Variants in GRID1 observed in about 807,000 individuals in gnomAD.
The protein encoded by GRID1 is glutamate receptor ionotropic, delta-1.
A neutral mutation model predicts 98.0 loss-of-function variants in GRID1; 28 were observed. The ratio of observed to expected loss-of-function variants is 0.29; its 90% CI spans 0.21 to 0.39. The LOEUF (loss-of-function observed/expected upper bound fraction) is 0.39. GRID1 is among the 10% of genes least tolerant of loss of function. The probability of loss-of-function intolerance (pLI) is 1.00; values close to 1 mark genes in which losing one functional copy is unlikely to be tolerated. For missense variants in GRID1, 1,111 were observed against 1,340.5 expected, an observed-to-expected ratio of 0.83 and a Z score of 2.67; for synonymous variants, 553 against 538.5, an observed-to-expected ratio of 1.03 and a Z score of -0.37.
At chr10:86,005,706 G>A (rs1472317301) in intron 4 of GRID1, among the ~76,000 whole-genome samples, 1 of 152,162 alleles carries the variant, frequency 6.6e-6, no homozygotes, top group Non-Finnish European at 1.5e-5. Flanking sequence ...TTGAGTAAGA[G>A]CAGACATAGA....
chr10:85,937,486 G>A (rs907451121), intron 4 of GRID1, among the ~76,000 whole-genome samples: 4 of 152,204 alleles, frequency 2.6e-5, no homozygotes, highest in African/African-American at 9.7e-5. Context: ...GGTATCACCT[G>A]CCCTACCCTG....
chr10:86,107,452 T>C (rs968371226), intron 4 of GRID1, among the ~76,000 whole-genome samples: 1 of 152,186 alleles, frequency 6.6e-6, no homozygotes, highest in Non-Finnish European at 1.5e-5. Context: ...CCTAGTTATA[T>C]TGATACAGGA....
intron 2 of GRID1, among the ~76,000 whole-genome samples, chr10:86,362,082 C>T (rs1402562503): frequency 6.6e-6 from 1 of 152,216 alleles, no homozygotes; most frequent in African/African-American, 2.4e-5. Context: ...GGAACACAGG[C>T]AGGGTCCCCA....
intron 2 of GRID1, among the ~76,000 whole-genome samples, chr10:86,248,029 C>T (rs1007958325): frequency 2.0e-5 from 3 of 152,226 alleles, no homozygotes; most frequent in African/African-American, 7.2e-5. Flanking sequence ...ACAAGAGCTG[C>T]CCCCAAGGGG....
chr10:86,109,580 C>T (rs1445555587), intron 4 of GRID1, among the ~76,000 whole-genome samples: 1 of 152,240 alleles, frequency 6.6e-6, no homozygotes, highest in African/African-American at 2.4e-5. Flanking sequence ...CACACCCCAG[C>T]TATAAGCCAG....
chr10:86,074,034 G>C (rs1797059339), intron 4 of GRID1, among the ~76,000 whole-genome samples: 1 of 136,394 alleles, frequency 7.3e-6, no homozygotes, highest in South Asian at 2.2e-4. Flanking sequence ...AAGAAGTGGA[G>C]ATAGCTCAAT....
intron 10 of GRID1, among the ~76,000 whole-genome samples, chr10:85,726,866 A>T (rs1277082145): frequency 6.6e-6 from 1 of 152,248 alleles, no homozygotes; most frequent in Non-Finnish European, 1.5e-5. Context: ...CGGTATCTTT[A>T]CTAAAAATCA....
intron 8 of GRID1, among the ~76,000 whole-genome samples, chr10:85,830,110 C>T (rs1429727689): frequency 6.6e-6 from 1 of 152,062 alleles, no homozygotes; most frequent in Non-Finnish European, 1.5e-5. Context: ...CAAAAAGAGA[C>T]ACATAGACCA....
intron 4 of GRID1, among the ~76,000 whole-genome samples, chr10:86,114,417 C>T (rs1844541010): frequency 6.6e-6 from 1 of 152,128 alleles, no homozygotes; most frequent in African/African-American, 2.4e-5. Flanking sequence ...GCCAGTGCTC[C>T]CACAGCCCTG....
At position 86,236,355 on chromosome 10, in the gene GRID1, C is replaced by G. The variant is rs142758415; in HGVS notation, c.236-29707G>C. Reference sequence around the variant, plus strand: ...TATTTCAACCTCTCAATGTCTTCACCTGCAAGTTGAAGTATGCCATAACAC... The same window carrying G: ...TATTTCAACCTCTCAATGTCTTCACGTGCAAGTTGAAGTATGCCATAACAC... On this transcript the variant is annotated intron_variant, in intron 2 of 15. Transcript: ENST00000327946. Among the ~76,000 whole-genome samples, 6 of 152,276 alleles carry G rather than the reference C, an allele frequency of 3.9e-5. No individual in the cohort carries two copies. In the East Asian group the frequency reaches 7.7e-4, roughly 20 times the overall value.
intron 4 of GRID1, among the ~76,000 whole-genome samples, chr10:85,963,198 C>G (rs1189383674): frequency 6.6e-6 from 1 of 151,760 alleles, no homozygotes; most frequent in Non-Finnish European, 1.5e-5. Context: ...CAAGCTACAT[C>G]TTTCAGCCAA....
chr10:85,891,343 T>A (rs1448430840), intron 5 of GRID1, among the ~76,000 whole-genome samples: 1 of 152,184 alleles, frequency 6.6e-6, no homozygotes, highest in African/African-American at 2.4e-5. Context: ...CTGGAGTTTA[T>A]AGCCCTGTAT....
At chr10:85,619,060 C>T (rs956234857) in intron 14 of GRID1, among the ~76,000 whole-genome samples, 12 of 152,226 alleles carry the variant, frequency 7.9e-5, no homozygotes, top group African/African-American at 2.4e-4. Flanking sequence ...GCAGAGCCTG[C>T]CCCAGGGCTT....
chr10:86,158,875 A>G (rs555352632), intron 3 of GRID1, among the ~76,000 whole-genome samples: 2 of 152,346 alleles, frequency 1.3e-5, no homozygotes, highest in Admixed American at 1.3e-4. Context: ...AGTACAAAAC[A>G]AAGAATGCAA....
chr10:85,922,609 G>C (rs557663939), intron 4 of GRID1, among the ~76,000 whole-genome samples: 1 of 152,156 alleles, frequency 6.6e-6, no homozygotes, highest in Non-Finnish European at 1.5e-5. Context: ...TTGAGCTCAC[G>C]TTAAAGGCCC....
chr10:86,090,560 T>C (rs1844131171), intron 4 of GRID1, among the ~76,000 whole-genome samples: 1 of 150,582 alleles, frequency 6.6e-6, no homozygotes, highest in Non-Finnish European at 1.5e-5. Flanking sequence ...TTTGTGTCAT[T>C]GGAGTCCTGG....
intron 4 of GRID1, among the ~76,000 whole-genome samples, chr10:85,976,402 C>T (rs1164116157): frequency 6.6e-6 from 1 of 152,202 alleles, no homozygotes; most frequent in African/African-American, 2.4e-5. Flanking sequence ...GGGGATGCCT[C>T]CAGACTGAGT....
chr10:86,026,748 C>T (rs189166899), intron 4 of GRID1, among the ~76,000 whole-genome samples: 17 of 152,306 alleles, frequency 1.1e-4, no homozygotes, highest in African/African-American at 3.4e-4. Flanking sequence ...AGTAAATGCT[C>T]AATAAACAAC....
Position 86,219,584 on chromosome 10 carries a change from C to T in GRID1, c.236-12936G>A, listed in dbSNP as rs1259222275. 2.0e-5 allele frequency among the ~76,000 whole-genome samples: 3 copies of T among 152,200 alleles called. No homozygotes were observed. In the East Asian group the frequency reaches 5.8e-4, roughly 29 times the overall value. ...TGCTCTGCACACTACTCCCCTACAG[C>T]CCTGGTCACGTGTGGCCCCCCGTCC... is the stretch of plus-strand genomic sequence containing the variant. On this transcript the variant is annotated intron_variant, in intron 2 of 15. Coordinates refer to ENST00000327946, the MANE Select transcript of GRID1 (RefSeq NM_017551.3).
Sources: allele counts gnomAD v4.1 joint callset (sites outside exome capture counted in the v4.1 genomes callset), GRCh38; gene constraint gnomAD v4.1.1; transcripts MANE v1.5; gene names NCBI Gene and HGNC (gene_info 2026-07-23, HGNC 2026-07-21).